The following DRC9 variants were observed in gnomAD, a reference collection of about 807,000 sequenced individuals.
The protein encoded by DRC9 is dynein regulatory complex protein 9.
chr3:197,959,762 G>C, the DRC9 span: 1 of 156,524 alleles, frequency 6.4e-6, no homozygotes, highest in African/African-American at 2.4e-5. Context: ...GTGTATCATA[G>C]ATTTTTATAG....
At chr3:197,938,242 G>A in the DRC9 span, among the ~76,000 whole-genome samples, 1 of 151,642 alleles carries the variant, frequency 6.6e-6, no homozygotes, top group East Asian at 1.9e-4. Flanking sequence ...GCTTGAACCC[G>A]GGAGGCGGAG....
chr3:197,950,527 C>T, the DRC9 span: 3 of 311,590 alleles, frequency 9.6e-6, no homozygotes, highest in East Asian at 1.9e-4. Context: ...CCTCCCAGTC[C>T]ATACCTTCCT....
chr3:197,933,310 GCCCA>G, the DRC9 span, among the ~76,000 whole-genome samples: 1 of 151,192 alleles, frequency 6.6e-6, no homozygotes. Context: ...GTGTGGTGGT[GCCCA>G]CCTGTAATCC....
At chr3:197,918,104 T>C in the DRC9 span, among the ~76,000 whole-genome samples, 1 of 149,692 alleles carries the variant, frequency 6.7e-6, no homozygotes, top group African/African-American at 2.5e-5. Context: ...GAATCTTTTT[T>C]TTTTTTTTTT....
At chr3:197,931,056 GAAAA>G in the DRC9 span, among the ~76,000 whole-genome samples, 7 of 150,722 alleles carry the variant, frequency 4.6e-5, no homozygotes, top group African/African-American at 1.2e-4. Flanking sequence ...AAAAAGAAAA[GAAAA>G]GAAAGAAAGA....
At chr3:197,953,695 A>G in the DRC9 span, 1 of 446,728 alleles carries the variant, frequency 2.2e-6, no homozygotes. Context: ...AAATATCCTC[A>G]CACTTGTCCT....
At chr3:197,945,476 T>C in the DRC9 span, 2 of 596,980 alleles carry the variant, frequency 3.4e-6, no homozygotes, top group Non-Finnish European at 5.9e-6. Context: ...ACAGAAACTG[T>C]GGGAAAGAAT....
the DRC9 span, among the ~76,000 whole-genome samples, chr3:197,944,701 G>T: frequency 6.6e-6 from 1 of 152,006 alleles, no homozygotes; most frequent in Non-Finnish European, 1.5e-5. Context: ...GCCCACCTCG[G>T]CCTCCCAAAG....
At chr3:197,932,135 A>T in the DRC9 span, 1 of 1,597,016 alleles carries the variant, frequency 6.3e-7, no homozygotes, top group Non-Finnish European at 8.5e-7. Flanking sequence ...TTAGCACTTT[A>T]AAATACAGCA....
the DRC9 span, chr3:197,938,552 C>T: frequency 6.2e-7 from 1 of 1,608,188 alleles, no homozygotes; most frequent in Non-Finnish European, 8.5e-7. Flanking sequence ...CCTTACCTAT[C>T]AATCTGAATT....
chr3:197,938,404 CTT>C, the DRC9 span: 12 of 662,152 alleles, frequency 1.8e-5, no homozygotes, highest in African/African-American at 1.6e-4. Flanking sequence ...TCTAGGCAGT[CTT>C]TAGCTAATTC....
the DRC9 span, chr3:197,943,772 C>G: frequency 1.8e-4 from 294 of 1,613,324 alleles, no homozygotes; most frequent in East Asian, 6.2e-3. Context: ...GTGAGTGGGT[C>G]TATACCACGC....
the DRC9 span, chr3:197,956,342 A>G: frequency 6.3e-6 from 1 of 157,642 alleles, no homozygotes; most frequent in Non-Finnish European, 1.4e-5. Flanking sequence ...TTGGCAGTTC[A>G]TTTGGATAGA....
chr3:197,919,526 T>C, the DRC9 span, among the ~76,000 whole-genome samples: 1 of 152,112 alleles, frequency 6.6e-6, no homozygotes, highest in Non-Finnish European at 1.5e-5. Context: ...TGCATCACAG[T>C]TTTGGGTTTT....
the DRC9 span, among the ~76,000 whole-genome samples, chr3:197,919,734 A>G: frequency 2.0e-5 from 3 of 152,180 alleles, no homozygotes; most frequent in African/African-American, 7.2e-5. Flanking sequence ...TCATAACTGT[A>G]CATAAAGTAC....
the DRC9 span, chr3:197,950,058 A>G: frequency 9.5e-6 from 10 of 1,056,712 alleles, no homozygotes; most frequent in African/African-American, 1.6e-4. Context: ...TAAGAGTGCT[A>G]TTGAATGTGG....
the DRC9 span, chr3:197,913,341 C>CGTGT: frequency 8.6e-4 from 161 of 187,584 alleles, no homozygotes; most frequent in African/African-American, 4.5e-3. Flanking sequence ...TGCGTGCGTG[C>CGTGT]GTGCGTGTGT....
chr3:197,905,985 A>G, the DRC9 span, among the ~76,000 whole-genome samples: 2 of 152,180 alleles, frequency 1.3e-5, no homozygotes, highest in African/African-American at 4.8e-5. Flanking sequence ...CTTGTCTACC[A>G]GAAACCTACA....
chr3:197,946,201 C>T, the DRC9 span, among the ~76,000 whole-genome samples: 652 of 152,038 alleles, frequency 4.3e-3, 5 homozygotes, highest in African/African-American at 0.015. Flanking sequence ...TCTGGGAGGC[C>T]GAGGCAGGCG....
Sources: allele counts gnomAD v4.1 joint callset (sites outside exome capture counted in the v4.1 genomes callset), GRCh38; gene constraint gnomAD v4.1.1; transcripts MANE v1.5; gene names NCBI Gene and HGNC (gene_info 2026-07-23, HGNC 2026-07-21).